Variants in CTPS2 observed in about 807,000 individuals in gnomAD.
The protein encoded by CTPS2 is CTP synthase II.
CTPS2 carries 19 observed loss-of-function variants against 46.8 expected under a neutral mutation model. The ratio of observed to expected loss-of-function variants is 0.41; its 90% CI spans 0.28 to 0.60. The LOEUF (loss-of-function observed/expected upper bound fraction) is 0.60, where lower values mean the gene tolerates loss of function less well. Among genes scored for constraint, CTPS2 ranks in the 20% least tolerant of loss-of-function variants. CTPS2 has a pLI of 0.35. For synonymous variants in CTPS2, 151 were observed against 165.2 expected (o/e 0.91, Z 0.66); for missense variants, 286 against 447.6 (o/e 0.64, Z 3.26).
intron 13 of CTPS2, chrX:16,654,778 A>AGAGG (rs1413160353): frequency 2.3e-4 from 33 of 142,556 alleles, no homozygotes; most frequent in African/African-American, 7.6e-4. Context: ...AGAGAGAGAG[A>AGAGG]GGGAGGCTGA....
At chrX:16,621,659 T>C (rs774090388) in intron 14 of CTPS2, among the ~76,000 whole-genome samples, 1 of 110,094 alleles carries the variant, frequency 9.1e-6, no homozygotes, top group East Asian at 2.9e-4. Flanking sequence ...ATGCTGAAAC[T>C]CCAACAGAAT....
At chrX:16,703,343 T>A (rs1258254820) in intron 1 of CTPS2, among the ~76,000 whole-genome samples, 2 of 108,259 alleles carry the variant, frequency 1.8e-5, no homozygotes, top group Non-Finnish European at 3.8e-5. Flanking sequence ...TTTTTTTTTT[T>A]TTTAAGAGAC....
intron 17 of CTPS2, among the ~76,000 whole-genome samples, chrX:16,599,476 C>CTTTTTTTTTTTTT: frequency 1.2e-5 from 1 of 86,212 alleles, no homozygotes; most frequent in Non-Finnish European, 2.2e-5. Context: ...TCTTTTTTTT[C>CTTTTTTTTTTTTT]TTTTTTTTTT....
intron 13 of CTPS2, among the ~76,000 whole-genome samples, chrX:16,642,584 C>T (rs890271968): frequency 9.0e-6 from 1 of 111,624 alleles, no homozygotes; most frequent in African/African-American, 3.3e-5. Flanking sequence ...AAGGCAGAGA[C>T]TATGGTGCCC....
intron 1 of CTPS2, among the ~76,000 whole-genome samples, chrX:16,704,862 C>T (rs1055455761): frequency 9.3e-6 from 1 of 108,050 alleles, no homozygotes; most frequent in Non-Finnish European, 1.9e-5. Context: ...AAGAGAGAAT[C>T]GCTTGAACCT....
intron 14 of CTPS2, chrX:16,638,436 C>T (rs1044552941): frequency 8.9e-6 from 1 of 111,840 alleles, no homozygotes; most frequent in Non-Finnish European, 1.9e-5. Flanking sequence ...CCTAGGAGGG[C>T]AGGGCTGGTA....
At chrX:16,651,062 C>T in intron 13 of CTPS2, 1 of 1,204,970 alleles carries the variant, frequency 8.3e-7, no homozygotes, top group Non-Finnish European at 1.1e-6. Flanking sequence ...AAATATGCAG[C>T]CAAAGAAGGT....
intron 17 of CTPS2, among the ~76,000 whole-genome samples, chrX:16,606,771 T>A (rs1259384857): frequency 9.0e-6 from 1 of 111,118 alleles, no homozygotes; most frequent in African/African-American, 3.3e-5. Context: ...GGAAGCCTTT[T>A]TTTTTTTTGA....
At chrX:16,684,934 T>C (rs1569229450) in intron 8 of CTPS2, among the ~76,000 whole-genome samples, 1 of 110,917 alleles carries the variant, frequency 9.0e-6, no homozygotes, top group Non-Finnish European at 1.9e-5. Flanking sequence ...CTACTAAAAA[T>C]ACAAAAATTA....
At chrX:16,701,815 G>A (rs7053207) in intron 2 of CTPS2, among the ~76,000 whole-genome samples, 57,795 of 107,088 alleles carry the variant, frequency 0.54, 12,850 homozygotes, top group African/African-American at 0.82. Context: ...TAGCCAGGAC[G>A]GTCTCGATCT....
In CTPS2 at chrX:16,617,120, A is replaced by T. The variant is rs756360015; in HGVS notation, c.1546+30T>A. ...GGTCCACAAAAAGGCAAGTTATTGG[A>T]AGGTTTTCAAAAATGAAGAGCCCAC... On this transcript the variant is annotated intron_variant, in intron 16 of 18. Coordinates refer to ENST00000359276, the MANE Select transcript of CTPS2 (RefSeq NM_175859.3). 3 of 1,114,295 alleles carry T rather than the reference A, an allele frequency of 2.7e-6. No homozygotes were observed. The South Asian group carries it at 5.7e-5, about 21-fold the overall frequency. 91.8% of individuals were successfully genotyped at this position (1,114,295 alleles called of 1,213,427 possible).
intron 13 of CTPS2, among the ~76,000 whole-genome samples, chrX:16,644,139 C>CTT (rs1204273446): frequency 1.9e-5 from 2 of 102,983 alleles, no homozygotes; most frequent in Non-Finnish European, 2.0e-5. Context: ...AGTTGAGGAT[C>CTT]TTTTTTTTTT....
At chrX:16,646,936 T>C (rs919659755) in intron 13 of CTPS2, among the ~76,000 whole-genome samples, 4 of 112,056 alleles carry the variant, frequency 3.6e-5, no homozygotes, top group African/African-American at 1.3e-4. Flanking sequence ...TTACCACCCT[T>C]GTGCCTGTCG....
chrX:16,679,528 C>T (rs1443764942), intron 9 of CTPS2, among the ~76,000 whole-genome samples: 8 of 110,883 alleles, frequency 7.2e-5, no homozygotes, highest in Non-Finnish European at 1.5e-4. Flanking sequence ...AGGCAAGGGA[C>T]GAGGCTGAGA....
intron 14 of CTPS2, among the ~76,000 whole-genome samples, chrX:16,631,856 G>C (rs1461884121): frequency 1.8e-5 from 2 of 111,645 alleles, no homozygotes; most frequent in Admixed American, 1.9e-4. Context: ...TGTGCTCTCA[G>C]TTGAGAGCCA....
intron 9 of CTPS2, among the ~76,000 whole-genome samples, chrX:16,680,732 G>A (rs190889126): frequency 9.0e-6 from 1 of 110,873 alleles, no homozygotes; most frequent in East Asian, 2.8e-4. Flanking sequence ...GGAATGGGAA[G>A]TAAACTATTC....
chrX:16,692,510 T>C (rs1391803051), intron 6 of CTPS2, among the ~76,000 whole-genome samples: 2 of 110,912 alleles, frequency 1.8e-5, no homozygotes, highest in Admixed American at 1.9e-4. Context: ...AGGGTTATCA[T>C]TGATAGCAGG....
chrX:16,634,249 C>T (rs939008921), intron 14 of CTPS2, among the ~76,000 whole-genome samples: 3 of 111,336 alleles, frequency 2.7e-5, no homozygotes, highest in African/African-American at 9.8e-5. Flanking sequence ...TTTTAATTGA[C>T]AATAATTATA....
intron 13 of CTPS2, chrX:16,651,023 C>T: frequency 8.3e-7 from 1 of 1,205,633 alleles, no homozygotes. Flanking sequence ...ACTAAAAAGT[C>T]TCCTGAGGAA....
Sources: gnomAD v4.1 joint callset for allele counts (sites outside exome capture counted in the v4.1 genomes callset) on GRCh38, gnomAD v4.1.1 for gene constraint, MANE v1.5 for transcripts, NCBI Gene and HGNC (gene_info 2026-07-23, HGNC 2026-07-21) for gene names.